The following KATNIP variants were observed in gnomAD, a reference collection of about 807,000 sequenced individuals.
KATNIP encodes the protein katanin-interacting protein.
KATNIP carries 126 observed loss-of-function variants against 174.0 expected under a neutral mutation model. The observed-to-expected ratio is 0.72, with a 90% CI of 0.63 to 0.84. The LOEUF (loss-of-function observed/expected upper bound fraction) is 0.84, where lower values mean the gene tolerates loss of function less well. Among genes scored for constraint, KATNIP ranks in the 40% least tolerant of loss-of-function variants. The pLI, the probability that KATNIP is intolerant of heterozygous loss-of-function variation, is 0.00. For synonymous variants in KATNIP, 810 were observed against 835.7 expected (o/e 0.97, Z 0.53); for missense variants, 1,958 against 2,109.7 (o/e 0.93, Z 1.41).
At position 27,776,873 on chromosome 16, in the gene KATNIP, C is replaced by A; in HGVS notation, c.4450-55C>A. 2 of 1,335,484 alleles carry A rather than the reference C, an allele frequency of 1.5e-6. No homozygotes were observed. The highest frequency in any genetic ancestry group is 2.2e-6 in the Non-Finnish European group (2 of 928,414). 82.7% of individuals were successfully genotyped at this position (1,335,484 alleles called of 1,614,324 possible). A position where few individuals can be genotyped will look rare whatever the true frequency, so the allele number is the denominator to read the frequency against. ...CCCACGCCTGGCACCCCCAGCCCAG[C>A]CAAGCGCCTCTGTTTCCAAACATGC... On this transcript the variant is annotated intron_variant, in intron 24 of 27. Transcript: ENST00000261588. This position sits in a 1 kb window ranked among gnomAD's most constrained non-coding sequence, Gnocchi z 4.7.
intron 5 of KATNIP, among the ~76,000 whole-genome samples, chr16:27,632,214 C>T (rs2076509404): frequency 6.6e-6 from 1 of 152,202 alleles, no homozygotes; most frequent in African/African-American, 2.4e-5. Flanking sequence ...ACGAGGTTCA[C>T]ACACTTGGAA....
chr16:27,665,328 C>T (rs551941716), intron 6 of KATNIP, among the ~76,000 whole-genome samples: 15 of 151,952 alleles, frequency 9.9e-5, no homozygotes, highest in African/African-American at 3.4e-4. Context: ...TAGTCTCGAA[C>T]TCCTGACCTC....
Position 27,743,828 on chromosome 16 carries a change from C to T in KATNIP, c.2623+2908C>T, listed in dbSNP as rs531312843. Reference sequence around the variant, plus strand: ...TCCAAACATTACCCTATAGTAGTCACGGCCTATGGTCACAGCCATCATCAC... The same window carrying T: ...TCCAAACATTACCCTATAGTAGTCATGGCCTATGGTCACAGCCATCATCAC... On this transcript the variant is annotated intron_variant, in intron 15 of 27. Transcript: ENST00000261588. Among the ~76,000 whole-genome samples the T allele has an allele frequency of 3.9e-5, 6 of 152,256 alleles. No individual in the cohort carries two copies. In the South Asian group the frequency reaches 8.3e-4, roughly 21 times the overall value.
At chr16:27,755,049 TCTC>T (rs1194296778) in intron 18 of KATNIP, 1 of 152,556 alleles carries the variant, frequency 6.6e-6, no homozygotes, top group African/African-American at 2.4e-5. Flanking sequence ...CTGATTGTGA[TCTC>T]CTCCCTCCTG....
chr16:27,704,061 G>A (rs1004949257), intron 12 of KATNIP, 63 bp downstream of exon 12: 12 of 1,288,582 alleles, frequency 9.3e-6, no homozygotes, highest in Admixed American at 3.4e-5. Context: ...CAGGCATTTC[G>A]CATCAGTGAG....
chr16:27,704,991 A>G (rs1245084889), intron 12 of KATNIP, among the ~76,000 whole-genome samples: 5 of 149,298 alleles, frequency 3.3e-5, no homozygotes, highest in Non-Finnish European at 5.9e-5. Context: ...GCTCATGGCA[A>G]CCTCTGCCTC....
Position 27,740,901 on chromosome 16 carries a change from C to T in KATNIP, c.2604C>T (p.Asp868=), listed in dbSNP as rs753055848. ...RKDAGSSSHG[D]DQPASREDTW... ...ATGCTGGCAGCAGTAGTCATGGGGA[C>T]GACCAGCCAGCCAGCAGAGGTAAGC... The change falls in exon 15 of 28, where the codon GAC becomes GAT. Residue 868 remains aspartate (D), a synonymous_variant. Coordinates refer to ENST00000261588, the MANE Select transcript of KATNIP (RefSeq NM_015202.5). The T allele has an allele frequency of 1.8e-5, 28 of 1,598,296 alleles. No homozygotes were observed. The highest frequency in any genetic ancestry group is 1.5e-4 in the African/African-American group (11 of 74,796).
intron 22 of KATNIP, among the ~76,000 whole-genome samples, chr16:27,772,641 G>C (rs908880825): frequency 1.3e-5 from 2 of 152,246 alleles, no homozygotes; most frequent in South Asian, 2.1e-4. Flanking sequence ...ACTTGAAAGG[G>C]ATGGAGGAGG....
At chr16:27,717,495 G>C (rs2080006882) in intron 13 of KATNIP, among the ~76,000 whole-genome samples, 1 of 151,932 alleles carries the variant, frequency 6.6e-6, no homozygotes, top group African/African-American at 2.4e-5. Context: ...GTCCCTACTT[G>C]ATTTTTTTTT....
intron 10 of KATNIP, 37 bp from the exon 11 acceptor site, chr16:27,701,552 C>G: frequency 1.3e-6 from 2 of 1,504,592 alleles, no homozygotes; most frequent in Non-Finnish European, 1.8e-6. Flanking sequence ...AGGAGTGTTG[C>G]CTGAGACATC....
intron 8 of KATNIP, 90 bp downstream of exon 8, chr16:27,681,620 C>G: frequency 6.8e-7 from 1 of 1,472,048 alleles, no homozygotes; most frequent in South Asian, 1.1e-5. Flanking sequence ...CACTTCATTA[C>G]CCTCCTTGCA....
chr16:27,666,004 A>G (rs1363720284), intron 6 of KATNIP, among the ~76,000 whole-genome samples: 2 of 152,214 alleles, frequency 1.3e-5, no homozygotes, highest in African/African-American at 4.8e-5. Flanking sequence ...CTAGTCAGCC[A>G]GTGGCATTCC....
chr16:27,748,267 C>A (rs1038198439), intron 15 of KATNIP, among the ~76,000 whole-genome samples: 1 of 152,174 alleles, frequency 6.6e-6, no homozygotes, highest in Non-Finnish European at 1.5e-5. Context: ...TATAATATAC[C>A]TGGCTTAATG....
At chr16:27,625,673 A>G (rs2076311003) in intron 3 of KATNIP, among the ~76,000 whole-genome samples, 1 of 152,220 alleles carries the variant, frequency 6.6e-6, no homozygotes, top group Admixed American at 6.5e-5. Flanking sequence ...CAGCTGCTAA[A>G]GAAACATTTA....
chr16:27,572,362 A>AACACAC (rs3056269), intron 1 of KATNIP, among the ~76,000 whole-genome samples: 14,561 of 137,902 alleles, frequency 0.11, 934 homozygotes, highest in African/African-American at 0.17. Flanking sequence ...CAAAAAAGAA[A>AACACAC]ACACACACAC....
At chr16:27,704,775 T>C (rs982851657) in intron 12 of KATNIP, among the ~76,000 whole-genome samples, 15 of 152,248 alleles carry the variant, frequency 9.9e-5, no homozygotes, top group African/African-American at 1.2e-4. Flanking sequence ...TCCAAAATGA[T>C]TGTGACAACC....
chr16:27,671,331 T>G (rs2077894990), intron 6 of KATNIP, among the ~76,000 whole-genome samples: 1 of 152,240 alleles, frequency 6.6e-6, no homozygotes, highest in African/African-American at 2.4e-5. Context: ...TTCAACACGC[T>G]TCTTTTTACT....
chr16:27,754,337 G>T lies in KATNIP; in HGVS notation c.3631+86G>T, dbSNP rs559310934. ...TTGTGGCCACTTGGGACAGGGTTTC[G>T]CTGGACAATCGGGTGGGTTGGACAC... On this transcript the variant is annotated intron_variant, in intron 18 of 27. Transcript: ENST00000261588. 5 of 1,157,852 alleles carry T rather than the reference G, an allele frequency of 4.3e-6. No individual in the cohort carries two copies. The African/African-American group carries it at 7.6e-5, about 18-fold the overall frequency. The allele number at this position is 1,157,852 out of a possible 1,614,324, so 71.7% of individuals were successfully genotyped here. A position where few individuals can be genotyped will look rare whatever the true frequency, so the allele number is the denominator to read the frequency against.
chr16:27,623,852 T>C (rs2076260255), intron 3 of KATNIP, among the ~76,000 whole-genome samples: 1 of 152,128 alleles, frequency 6.6e-6, no homozygotes, highest in Non-Finnish European at 1.5e-5. Flanking sequence ...CGCTGCCCTC[T>C]GAGAACACAG....
Sources: gnomAD v4.1 joint callset for allele counts (sites outside exome capture counted in the v4.1 genomes callset) on GRCh38, gnomAD v4.1.1 for gene constraint, Gnocchi (gnomAD v3.1) non-coding constraint, MANE v1.5 for transcripts, NCBI Gene and HGNC (gene_info 2026-07-23, HGNC 2026-07-21) for gene names.